Variants in PRSS23 observed in about 807,000 individuals in gnomAD.
PRSS23 encodes the protein serine protease 23, also known as protease, serine 23.
A neutral mutation model predicts 34.7 loss-of-function variants in PRSS23; 25 were observed. The observed-to-expected ratio is 0.72, with a 90% CI of 0.53 to 1.01. The LOEUF (loss-of-function observed/expected upper bound fraction) is 1.01. PRSS23 is among the 50% of genes least tolerant of loss of function. The probability of loss-of-function intolerance (pLI) is 0.00; values close to 1 mark genes in which losing one functional copy is unlikely to be tolerated. For synonymous variants in PRSS23, 176 were observed against 186.6 expected (o/e 0.94, Z 0.46); for missense variants, 445 against 475.6 (o/e 0.94, Z 0.60).
chr11:86,844,541 A>T (rs1205298933), intron 2 of PRSS23, among the ~76,000 whole-genome samples: 1 of 152,168 alleles, frequency 6.6e-6, no homozygotes, highest in Non-Finnish European at 1.5e-5. Flanking sequence ...TTGAGTCTGG[A>T]GTAATGTGAA....
At chr11:86,939,426 A>ATATATATATATTTTTTTAT in intron 2 of PRSS23, among the ~76,000 whole-genome samples, 1 of 94,072 alleles carries the variant, frequency 1.1e-5, no homozygotes, top group East Asian at 2.9e-4. Flanking sequence ...ATATATATAT[A>ATATATATATATTTTTTTAT]TTTTTTAACA....
chr11:86,858,731 T>C (rs565900354), intron 2 of PRSS23, among the ~76,000 whole-genome samples: 1 of 151,650 alleles, frequency 6.6e-6, no homozygotes, highest in East Asian at 2.0e-4. Flanking sequence ...CACAACCCTG[T>C]GGTATTGTTC....
intron 2 of PRSS23, among the ~76,000 whole-genome samples, chr11:86,864,221 A>AT (rs34233740): frequency 5.6e-4 from 83 of 148,858 alleles, no homozygotes; most frequent in Non-Finnish European, 5.1e-4. Flanking sequence ...TTTAAACTTG[A>AT]TTTTTTTTTT....
intron 2 of PRSS23, among the ~76,000 whole-genome samples, chr11:86,824,361 A>AAAAT (rs1555071066): frequency 4.4e-4 from 65 of 149,354 alleles, no homozygotes; most frequent in African/African-American, 1.5e-3. Flanking sequence ...AAAATAAAAT[A>AAAAT]AAATAAAATA....
At chr11:86,817,967 G>C (rs774877733) in intron 1 of PRSS23, among the ~76,000 whole-genome samples, 1 of 152,168 alleles carries the variant, frequency 6.6e-6, no homozygotes, top group Non-Finnish European at 1.5e-5. Flanking sequence ...TAATAGCAAG[G>C]TGCCATAAGA....
In PRSS23 at chr11:86,915,546, T is replaced by A. The variant is rs1214464326; in HGVS notation, c.207-35670T>A. The stretch of plus-strand genomic sequence containing the variant: ...CTTAGAGTCGTAATAATAATATATA[T>A]TATATATATAAAACTAATATATAAT... On this transcript the variant is annotated intron_variant, in intron 2 of 2. Transcript: ENST00000533902. 3.4e-5 allele frequency among the ~76,000 whole-genome samples: 5 copies of A among 148,112 alleles called. No homozygotes were observed. In the Admixed American group the frequency reaches 3.4e-4, roughly 10 times the overall value.
At chr11:86,824,908 T>C (rs1948287099) in intron 2 of PRSS23, among the ~76,000 whole-genome samples, 1 of 152,204 alleles carries the variant, frequency 6.6e-6, no homozygotes, top group Non-Finnish European at 1.5e-5. Flanking sequence ...GTTCCAAGTC[T>C]TTGCTATTGT....
chr11:86,940,439 CT>C (rs1260212253), intron 2 of PRSS23, among the ~76,000 whole-genome samples: 1 of 152,156 alleles, frequency 6.6e-6, no homozygotes, highest in Non-Finnish European at 1.5e-5. Flanking sequence ...TCACCCCCTC[CT>C]TTCCATCTCT....
intron 2 of PRSS23, among the ~76,000 whole-genome samples, chr11:86,887,662 G>A (rs189156159): frequency 2.6e-5 from 4 of 152,246 alleles, no homozygotes; most frequent in East Asian, 1.9e-4. Context: ...GTGCACCTAC[G>A]TTATTTCTGT....
At chr11:86,874,612 T>C (rs1047583146) in intron 2 of PRSS23, among the ~76,000 whole-genome samples, 2 of 152,218 alleles carry the variant, frequency 1.3e-5, no homozygotes, top group African/African-American at 2.4e-5. Flanking sequence ...GGAGTTTACC[T>C]TTTTCACTTG....
At chr11:86,805,119 A>G (rs1948084443) in intron 1 of PRSS23, among the ~76,000 whole-genome samples, 1 of 152,204 alleles carries the variant, frequency 6.6e-6, no homozygotes, top group South Asian at 2.1e-4. Context: ...AGATACAGCC[A>G]TGTGGGAGAT....
chr11:86,842,936 G>T (rs1948459359), intron 2 of PRSS23, among the ~76,000 whole-genome samples: 1 of 151,990 alleles, frequency 6.6e-6, no homozygotes, highest in African/African-American at 2.4e-5. Flanking sequence ...ATTTCATATG[G>T]AACCAAAAAA....
chr11:86,852,584 C>T (rs991257948), intron 2 of PRSS23, among the ~76,000 whole-genome samples: 13 of 152,044 alleles, frequency 8.6e-5, no homozygotes, highest in African/African-American at 2.7e-4. Context: ...TATATTACTT[C>T]ATATAGAATG....
In PRSS23 at chr11:86,918,112, G is replaced by A. The variant is rs112191607; in HGVS notation, c.207-33104G>A. Among the ~76,000 whole-genome samples the A allele has an allele frequency of 4.7e-3, 712 of 152,258 alleles. 6 individuals are homozygous for A. Among genetic ancestry groups the A allele is most frequent in the African/African-American group, 0.017 (688 of 41,548 alleles). On this transcript the variant is annotated intron_variant, in intron 2 of 2. Transcript: ENST00000533902. ...TTTGAATTTTAGAAAATGTTAAGAC[G>A]ACTCTTTTTGCTGAAAATAAAAAGA...
intron 2 of PRSS23, chr11:86,947,879 T>C (rs1949256911): frequency 6.6e-6 from 1 of 152,214 alleles, no homozygotes; most frequent in African/African-American, 2.4e-5. Context: ...CTGAGGAAGC[T>C]ACAATCATAC....
At chr11:86,814,180 C>T (rs983982025), downstream of PRSS23, among the ~76,000 whole-genome samples, 3 of 152,152 alleles carry the variant, frequency 2.0e-5, no homozygotes, top group Non-Finnish European at 4.4e-5. Flanking sequence ...GTCAAATGAA[C>T]TATAGGATCT....
At chr11:86,946,737 C>A (rs1410815887) in intron 2 of PRSS23, 1 of 152,574 alleles carries the variant, frequency 6.6e-6, no homozygotes, top group East Asian at 1.9e-4. Flanking sequence ...AAAGTGATAA[C>A]CCAGGTCATT....
chr11:86,812,393 C>T (rs2135606417), downstream of PRSS23, among the ~76,000 whole-genome samples: 1 of 152,318 alleles, frequency 6.6e-6, no homozygotes, highest in East Asian at 1.9e-4. Context: ...ATCGTACATA[C>T]ATGGCAGACA....
chr11:86,902,574 C>T (rs1356817044), intron 2 of PRSS23, among the ~76,000 whole-genome samples: 1 of 152,130 alleles, frequency 6.6e-6, no homozygotes, highest in Non-Finnish European at 1.5e-5. Flanking sequence ...AGCTAACAGG[C>T]ATGATATCAT....
Sources: gnomAD v4.1 joint callset for allele counts (sites outside exome capture counted in the v4.1 genomes callset) on GRCh38, gnomAD v4.1.1 for gene constraint, MANE v1.5 for transcripts, NCBI Gene and HGNC (gene_info 2026-07-23, HGNC 2026-07-21) for gene names.